The following RTN4RL1 variants were observed in gnomAD, a reference collection of about 807,000 sequenced individuals.
RTN4RL1 encodes the protein reticulon-4 receptor-like 1.
In RTN4RL1, 7 loss-of-function variants were observed where a neutral mutation model predicts 25.6. The observed-to-expected ratio is 0.27, with a 90% CI of 0.16 to 0.51. The LOEUF is 0.51. Among genes scored for constraint, RTN4RL1 ranks in the 20% least tolerant of loss-of-function variants. RTN4RL1 has a pLI of 0.97. For missense variants in RTN4RL1, 500 were observed against 615.6 expected (o/e 0.81, Z 1.99); for synonymous variants, 297 against 288.2 (o/e 1.03, Z -0.31).
chr17:2,003,452 G>A (rs2066972383), intron 1 of RTN4RL1: 1 of 152,192 alleles, frequency 6.6e-6, no homozygotes, highest in African/African-American at 2.4e-5. Context: ...TGCAGTGATA[G>A]AGGACAGTGA....
intron 1 of RTN4RL1, among the ~76,000 whole-genome samples, chr17:1,944,947 G>T (rs919588479): frequency 6.6e-6 from 1 of 152,186 alleles, no homozygotes; most frequent in African/African-American, 2.4e-5. Flanking sequence ...ATCTCTCTCA[G>T]TAAGGTCCCT....
chr17:1,977,756 G>C (rs1358609515), intron 1 of RTN4RL1, among the ~76,000 whole-genome samples: 1 of 152,118 alleles, frequency 6.6e-6, no homozygotes, highest in Non-Finnish European at 1.5e-5. Flanking sequence ...CCTCACCGAG[G>C]TGTTACAACT....
rs2066921308 is a variant in RTN4RL1, at chr17:1,994,374, T to C, written c.13+30479A>G. On this transcript the variant is annotated intron_variant, in intron 1 of 1. Coordinates refer to ENST00000331238, the MANE Select transcript of RTN4RL1 (RefSeq NM_178568.4). This position sits in a 1 kb window ranked among gnomAD's most constrained non-coding sequence, Gnocchi z 4.3. The stretch of plus-strand genomic sequence containing the variant: ...TGAGCCCACCGTGTTACAGAGGACC[T>C]ACCAGCTCTCCCAGCCAGGGACACA... Among the ~76,000 whole-genome samples the C allele has an allele frequency of 6.6e-6, 1 of 151,858 alleles. No individual in the cohort carries two copies. Among genetic ancestry groups the C allele is most frequent in the Admixed American group, 6.6e-5 (1 of 15,178 alleles).
chr17:1,987,755 ACACACACACACACG>A (rs2066893065), intron 1 of RTN4RL1, among the ~76,000 whole-genome samples: 2 of 142,602 alleles, frequency 1.4e-5, no homozygotes. Context: ...ACACACACAC[ACACACACACACACG>A]GACTTTCCAC....
Position 2,020,838 on chromosome 17 carries a change from C to G in RTN4RL1, c.13+4015G>C, listed in dbSNP as rs1259307850. 4 of 152,124 alleles carry G rather than the reference C, an allele frequency of 2.6e-5. No individual in the cohort carries two copies. The East Asian group carries it at 7.7e-4, about 29-fold the overall frequency. The allele number at this position is 152,124 out of a possible 1,614,324, so 9.4% of individuals were successfully genotyped here. A position where few individuals can be genotyped will look rare whatever the true frequency, so the allele number is the denominator to read the frequency against. On this transcript the variant is annotated intron_variant, in intron 1 of 1. Coordinates refer to ENST00000331238, the MANE Select transcript of RTN4RL1 (RefSeq NM_178568.4). ...AGCCCAGAGGCTCTGGATTTGCATT[C>G]TGTTTTCATAGCTCTACACAGGAAA...
chr17:2,020,139 A>G (rs2067182133), intron 1 of RTN4RL1: 1 of 152,138 alleles, frequency 6.6e-6, no homozygotes, highest in Admixed American at 6.5e-5. Context: ...ACCAGGCTAC[A>G]TGCCTTGACT....
At chr17:1,967,508 C>T (rs2066797201) in intron 1 of RTN4RL1, among the ~76,000 whole-genome samples, 1 of 152,168 alleles carries the variant, frequency 6.6e-6, no homozygotes, top group South Asian at 2.1e-4. Context: ...CTGCCCTTCA[C>T]AGGCAAACTT....
At chr17:1,960,750 T>C (rs12937079) in intron 1 of RTN4RL1, among the ~76,000 whole-genome samples, 89,029 of 151,714 alleles carry the variant, frequency 0.59, 27,091 homozygotes, top group Middle Eastern at 0.74. Flanking sequence ...ATCTGCTGCT[T>C]TCTGTCTCTG....
chr17:2,015,900 C>T (rs1215592312), intron 1 of RTN4RL1, among the ~76,000 whole-genome samples: 6 of 152,172 alleles, frequency 3.9e-5, no homozygotes. Flanking sequence ...GCTCAGCACA[C>T]CCAGTGGCTT....
At chr17:1,943,821 T>C (rs765314764) in intron 1 of RTN4RL1, among the ~76,000 whole-genome samples, 1 of 152,136 alleles carries the variant, frequency 6.6e-6, no homozygotes, top group Non-Finnish European at 1.5e-5. Flanking sequence ...CTCGTCCTAT[T>C]GCTGGACGTG....
At chr17:1,977,452 C>A (rs1327515182) in intron 1 of RTN4RL1, among the ~76,000 whole-genome samples, 1 of 152,158 alleles carries the variant, frequency 6.6e-6, no homozygotes, top group Non-Finnish European at 1.5e-5. Flanking sequence ...TCGTCTCAGG[C>A]GGAGGTCCCC....
At chr17:1,984,016 C>A (rs1168643142) in intron 1 of RTN4RL1, among the ~76,000 whole-genome samples, 1 of 152,130 alleles carries the variant, frequency 6.6e-6, no homozygotes, top group Non-Finnish European at 1.5e-5. Context: ...GCCGAGGAAA[C>A]CCCCAGATCA....
intron 1 of RTN4RL1, chr17:1,995,506 C>A (rs12938667): frequency 0.36 from 54,539 of 151,552 alleles, 9,917 homozygotes; most frequent in Middle Eastern, 0.44. Context: ...TCTGGAAAGA[C>A]CTTTGTCCTT....
intron 1 of RTN4RL1, among the ~76,000 whole-genome samples, chr17:1,947,868 G>T (rs116677057): frequency 1.6e-3 from 250 of 152,362 alleles, no homozygotes; most frequent in African/African-American, 5.8e-3. Context: ...CTTGGGACAG[G>T]CGCTCAGTCC....
At chr17:1,979,440 G>A (rs1236671369) in intron 1 of RTN4RL1, among the ~76,000 whole-genome samples, 2 of 152,034 alleles carry the variant, frequency 1.3e-5, no homozygotes, top group Non-Finnish European at 2.9e-5. Flanking sequence ...GTGCGCCACT[G>A]CACTCCAGCC....
rs531034443 is a variant in RTN4RL1 at position 2,017,323 on chromosome 17, G to A, written c.13+7530C>T. Among the ~76,000 whole-genome samples the A allele has an allele frequency of 2.6e-5, 4 of 152,318 alleles. No individual in the cohort carries two copies. The South Asian group carries it at 8.3e-4, about 32-fold the overall frequency. ...GTCACCATGATGCCACTACCCTCTG[G>A]AATCAACTCAGTGAGCTGCCAAGTG... On this transcript the variant is annotated intron_variant, in intron 1 of 1. Transcript: ENST00000331238.
At chr17:2,017,846 G>A (rs192089159) in intron 1 of RTN4RL1, 74 of 152,398 alleles carry the variant, frequency 4.9e-4, no homozygotes, top group African/African-American at 1.5e-3. Context: ...TCACAGGTTC[G>A]GAAGCACGAG....
intron 1 of RTN4RL1, among the ~76,000 whole-genome samples, chr17:1,973,569 C>T (rs1050436763): frequency 1.3e-5 from 2 of 151,712 alleles, no homozygotes; most frequent in Non-Finnish European, 2.9e-5. Context: ...ATTCTGCTCC[C>T]CTGGTGTCCT....
intron 1 of RTN4RL1, among the ~76,000 whole-genome samples, chr17:2,015,050 T>C (rs1555521951): frequency 6.6e-6 from 1 of 151,900 alleles, no homozygotes; most frequent in Non-Finnish European, 1.5e-5. Flanking sequence ...CCGGCCGCTG[T>C]GTAAGGCCTG....
Sources: allele counts gnomAD v4.1 joint callset (sites outside exome capture counted in the v4.1 genomes callset), GRCh38; gene constraint gnomAD v4.1.1; non-coding constraint Gnocchi (gnomAD v3.1); transcripts MANE v1.5; gene names NCBI Gene and HGNC (gene_info 2026-07-23, HGNC 2026-07-21).